Variants in FAT4 observed in about 807,000 individuals in gnomAD.
FAT4 encodes the protein protocadherin Fat 4.
Under a neutral mutation model 303.9 loss-of-function variants are expected in FAT4, and 84 were observed. That is an observed-to-expected ratio of 0.28 (90% CI 0.23 to 0.33). The LOEUF (loss-of-function observed/expected upper bound fraction) is 0.33. Among genes scored for constraint, FAT4 ranks in the 10% least tolerant of loss-of-function variants. The pLI is 1.00. For missense variants in FAT4, 6,005 were observed against 6,146.8 expected (o/e 0.98, Z 0.77); for synonymous variants, 2,307 against 2,298.8 (o/e 1.00, Z -0.10).
chr4:125,321,938 G>A (rs1368985101), intron 2 of FAT4, among the ~76,000 whole-genome samples: 2 of 152,190 alleles, frequency 1.3e-5, no homozygotes, highest in African/African-American at 4.8e-5. Context: ...GCTACCAGAA[G>A]ATGGGCACTT....
chr4:125,396,360 G>A (rs1462597703), intron 2 of FAT4, among the ~76,000 whole-genome samples: 1 of 152,036 alleles, frequency 6.6e-6, no homozygotes, highest in Non-Finnish European at 1.5e-5. Context: ...TTAAAATATA[G>A]AATTGGCTTG....
chr4:125,440,610 T>TGAGAGAGAGAGAGAGAGA lies in FAT4; in HGVS notation c.7200-5666_7200-5649dup, dbSNP rs1553925990. On this transcript the variant is annotated intron_variant, in intron 8 of 17. Coordinates refer to ENST00000394329, the MANE Select transcript of FAT4 (RefSeq NM_001291303.3). ...GTGTGTGTGTGTGTGTGTGTGTGTG[T>TGAGAGAGAGAGAGAGAGA]GAGAGAGAGAGAGAGAGAGAGAGAG... Among the ~76,000 whole-genome samples the TGAGAGAGAGAGAGAGAGA allele has an allele frequency of 5.3e-4, 40 of 75,748 alleles. No homozygotes were observed. The East Asian group carries it at 0.011, about 21-fold the overall frequency. 49.7% of individuals were successfully genotyped at this position (75,748 alleles called of 152,430 possible). A position where few individuals can be genotyped will look rare whatever the true frequency, so the allele number is the denominator to read the frequency against.
chr4:125,411,352 C>A (rs1406644199), intron 5 of FAT4, among the ~76,000 whole-genome samples: 1 of 151,942 alleles, frequency 6.6e-6, no homozygotes, highest in African/African-American at 2.4e-5. Flanking sequence ...ATCGGAGCAT[C>A]ACGGAAATAT....
At chr4:125,477,525 A>G (rs1481725508) in intron 14 of FAT4, 191 bp downstream of exon 14, 3 of 408,592 alleles carry the variant, frequency 7.3e-6, no homozygotes, top group Admixed American at 1.0e-4. Flanking sequence ...GAAAATTAAT[A>G]TGTTTCTAGA....
At chr4:125,415,894 C>G (rs1735037977) in intron 6 of FAT4, 88 bp downstream of exon 6, 2 of 949,750 alleles carry the variant, frequency 2.1e-6, no homozygotes, top group African/African-American at 1.7e-5. Context: ...TTACGCTTCC[C>G]CTGTTCTCTC....
Position 125,481,758 on chromosome 4 carries a change from T to C in FAT4, c.12822+20T>C. ...GTGAAGGTGAGATAAAAGCTAATGG[T>C]GACTTCATTTGATTAGACCGCCTGC... is the stretch of plus-strand genomic sequence containing the variant. On this transcript the variant is annotated intron_variant, in intron 16 of 17. Coordinates refer to ENST00000394329, the MANE Select transcript of FAT4 (RefSeq NM_001291303.3). The C allele has an allele frequency of 6.2e-7, 1 of 1,603,454 alleles. No homozygotes were observed. Among genetic ancestry groups the C allele is most frequent in the Non-Finnish European group, 8.5e-7 (1 of 1,170,468 alleles).
Position 125,452,467 on chromosome 4 carries a change from T to C in FAT4, c.11457T>C (p.Cys3819=). 1 of 1,614,028 alleles carries C rather than the reference T, an allele frequency of 6.2e-7. No homozygotes were observed. The highest frequency in any genetic ancestry group is 8.5e-7 in the Non-Finnish European group (1 of 1,180,024). Residue 3819 remains cysteine, a synonymous_variant, in exon 10 of 18, where the codon TGT becomes TGC. Coordinates refer to ENST00000394329, the MANE Select transcript of FAT4 (RefSeq NM_001291303.3). The part of the protein sequence containing the change: ...VHGPCQNGGS[C]LRRLAVSSVL... Reference sequence around the variant, plus strand: ...GCCCATGTCAGAATGGAGGGAGCTGTCTACGAAGATTGGCTGTGAGCTCCG... The same window carrying C: ...GCCCATGTCAGAATGGAGGGAGCTGCCTACGAAGATTGGCTGTGAGCTCCG...
intron 2 of FAT4, among the ~76,000 whole-genome samples, chr4:125,372,306 G>A (rs1272214054): frequency 6.6e-6 from 1 of 150,854 alleles, no homozygotes; most frequent in Admixed American, 6.6e-5. Flanking sequence ...AGAATGCAAT[G>A]AGTTATGCTT....
Position 125,320,253 on chromosome 4 carries a change from A to T in FAT4, c.3842A>T (p.Tyr1281Phe). 5 of 1,614,174 alleles carry T rather than the reference A, an allele frequency of 3.1e-6. No homozygotes were observed. The highest frequency in any genetic ancestry group is 4.2e-6 in the Non-Finnish European group (5 of 1,180,000). The change falls in exon 2 of 18, where the codon TAT becomes TTT. Residue 1281 changes from tyrosine (Y) to phenylalanine (F), a missense_variant. Transcript: ENST00000394329. ...GKLDYEATPA[Y>F]SLVIQAVDSG... ...TTAGACTATGAAGCAACACCTGCCT[A>T]TTCCCTTGTAATTCAAGCAGTGGAT...
At chr4:125,367,318 T>G (rs1732923871) in intron 2 of FAT4, among the ~76,000 whole-genome samples, 1 of 152,148 alleles carries the variant, frequency 6.6e-6, no homozygotes, top group African/African-American at 2.4e-5. Flanking sequence ...TATTAAATCA[T>G]TTAATATTTA....
chr4:125,477,059 C>G (rs1381985220), intron 13 of FAT4, 96 bp from the exon 14 acceptor site: 3 of 966,448 alleles, frequency 3.1e-6, no homozygotes, highest in Non-Finnish European at 4.1e-6. Context: ...TAATAAATGT[C>G]AAAAAAAAGC....
At chr4:125,360,631 C>T (rs1240725496) in intron 2 of FAT4, among the ~76,000 whole-genome samples, 3 of 152,058 alleles carry the variant, frequency 2.0e-5, no homozygotes, top group African/African-American at 7.2e-5. Context: ...AGAGGCTGAC[C>T]AGCAAAGCCA....
chr4:125,422,550 A>C (rs553287161), intron 7 of FAT4, among the ~76,000 whole-genome samples: 2 of 152,306 alleles, frequency 1.3e-5, no homozygotes, highest in East Asian at 3.9e-4. Context: ...CACCATGTGA[A>C]GAAAGACGTG....
At chr4:125,370,827 A>T (rs971765766) in intron 2 of FAT4, among the ~76,000 whole-genome samples, 1 of 152,182 alleles carries the variant, frequency 6.6e-6, no homozygotes, top group African/African-American at 2.4e-5. Flanking sequence ...TATAGAAATC[A>T]TCACAGTTCT....
At position 125,481,711 on chromosome 4, in the gene FAT4, A is replaced by G. The variant is rs769168259; in HGVS notation, c.12795A>G (p.Gln4265=). The G allele has an allele frequency of 2.1e-5, 34 of 1,613,930 alleles. No homozygotes were observed. In the South Asian group the frequency reaches 3.6e-4, roughly 17 times the overall value. The change falls in exon 16 of 18, where the codon CAA becomes CAG. Residue 4265 remains glutamine, a synonymous_variant. Coordinates refer to ENST00000394329, the MANE Select transcript of FAT4 (RefSeq NM_001291303.3). The part of the protein sequence containing the change: ...RSENGVLIHI[Q]ESSNYTTVKI... ...AGAATGGCGTTTTAATCCATATCCAAGAAAGCAGCAATTACACTACTGTGA... is the reference window on the plus strand; with the variant it reads ...AGAATGGCGTTTTAATCCATATCCAGGAAAGCAGCAATTACACTACTGTGA...
chr4:125,356,542 G>GTTT (rs1230221758), intron 2 of FAT4, among the ~76,000 whole-genome samples: 1 of 98,474 alleles, frequency 1.0e-5, no homozygotes, highest in African/African-American at 3.7e-5. Context: ...AGGGTGTTTT[G>GTTT]TTTTTTGTTT....
Position 125,376,628 on chromosome 4 carries a change from G to A in FAT4, c.5176-22156G>A, listed in dbSNP as rs184656256. 1.1e-3 allele frequency among the ~76,000 whole-genome samples: 175 copies of A among 152,270 alleles called. 6 individuals carry two copies. Among genetic ancestry groups the A allele is most frequent in the African/African-American group, 1.6e-3 (67 of 41,568 alleles). ...ATAAATAAATAAATAGGCCTGGCGC[G>A]GTGGCTCATGCCTGTAATCCCAGTA... On this transcript the variant is annotated intron_variant, in intron 2 of 17. Transcript: ENST00000394329.
At chr4:125,416,710 C>T in intron 7 of FAT4, 88 bp downstream of exon 7, 1 of 1,351,696 alleles carries the variant, frequency 7.4e-7, no homozygotes, top group South Asian at 1.3e-5. Flanking sequence ...CTTTGGGAGG[C>T]CAAGGTGGAT....
In FAT4 at chr4:125,463,588, T is replaced by C; in HGVS notation, c.11826T>C (p.Asn3942=). 1 of 1,593,194 alleles carries C rather than the reference T, an allele frequency of 6.3e-7. No individual in the cohort carries two copies. Among genetic ancestry groups the C allele is most frequent in the Non-Finnish European group, 8.6e-7 (1 of 1,167,236 alleles). ...GGAAAATGTGTGAATCTTCAGTCAA[T>C]TACTGTGAATGCAACCCCTGCTTTA... ...YTGKMCESSV[N]YCECNPCFNG... Residue 3942 remains asparagine, a synonymous_variant, in exon 11 of 18, where the codon AAT becomes AAC. Transcript: ENST00000394329.
Sources: allele counts gnomAD v4.1 joint callset (sites outside exome capture counted in the v4.1 genomes callset), GRCh38; gene constraint gnomAD v4.1.1; transcripts MANE v1.5; gene names NCBI Gene and HGNC (gene_info 2026-07-23, HGNC 2026-07-21).